The following CNTNAP4 variants were observed in gnomAD, a reference collection of about 807,000 sequenced individuals.
The protein encoded by CNTNAP4 is contactin-associated protein-like 4.
In CNTNAP4, 98 loss-of-function variants were observed where a neutral mutation model predicts 148.4. The observed-to-expected ratio is 0.66, with a 90% confidence interval of 0.56 to 0.78. The LOEUF (loss-of-function observed/expected upper bound fraction) is 0.78, where lower values mean the gene tolerates loss of function less well. Ranked by LOEUF, CNTNAP4 falls within the 30% of genes least tolerant of loss-of-function variation. The pLI is 0.00. For missense variants in CNTNAP4, 1,935 were observed against 1,565.6 expected (o/e 1.24, Z -3.98); for synonymous variants, 730 against 565.1 (o/e 1.29, Z -4.14).
chr16:76,366,915 A>G (rs2014207224), intron 3 of CNTNAP4, among the ~76,000 whole-genome samples: 1 of 152,190 alleles, frequency 6.6e-6, no homozygotes, highest in African/African-American at 2.4e-5. Context: ...TTATAAAGCT[A>G]TTCATTCTCC....
At chr16:76,401,160 C>G (rs1568012152) in intron 3 of CNTNAP4, among the ~76,000 whole-genome samples, 2 of 152,104 alleles carry the variant, frequency 1.3e-5, no homozygotes, top group South Asian at 4.1e-4. Context: ...GTGAGTCTTC[C>G]TATCTATGAG....
intron 17 of CNTNAP4, among the ~76,000 whole-genome samples, chr16:76,527,825 T>A (rs1442364121): frequency 1.3e-5 from 2 of 152,204 alleles, no homozygotes; most frequent in African/African-American, 4.8e-5. Context: ...GTGTTTCCTG[T>A]AACATCATGT....
At chr16:76,406,353 C>G (rs772761258) in intron 3 of CNTNAP4, among the ~76,000 whole-genome samples, 1 of 152,128 alleles carries the variant, frequency 6.6e-6, no homozygotes, top group Non-Finnish European at 1.5e-5. Context: ...TCCCGCATCT[C>G]TCTCTCTCTC....
intron 4 of CNTNAP4, among the ~76,000 whole-genome samples, chr16:76,447,140 C>G (rs1019153862): frequency 6.6e-6 from 1 of 151,792 alleles, no homozygotes. Context: ...AGGACTTCAT[C>G]TCCATAAAAA....
chr16:76,388,238 C>T (rs868116713), intron 3 of CNTNAP4, among the ~76,000 whole-genome samples: 4 of 152,198 alleles, frequency 2.6e-5, no homozygotes, highest in Non-Finnish European at 4.4e-5. Flanking sequence ...TTCATTTCAT[C>T]CATCCTCAGA....
At position 76,345,762 on chromosome 16, in the gene CNTNAP4, G is replaced by T. The variant is rs537112022; in HGVS notation, c.197-9556G>T. 4.9e-4 allele frequency among the ~76,000 whole-genome samples: 75 copies of T among 152,304 alleles called. 1 individual carries two copies. In the South Asian group the frequency reaches 0.015, roughly 30 times the overall value. ...TTGTAAAACTGGCAAGAGGCTGGATGAAGATTTACACCTCAAGGGGCAGAG... is the reference window on the plus strand; with the variant it reads ...TTGTAAAACTGGCAAGAGGCTGGATTAAGATTTACACCTCAAGGGGCAGAG... On this transcript the variant is annotated intron_variant, in intron 2 of 23. Coordinates refer to ENST00000611870, the MANE Select transcript of CNTNAP4 (RefSeq NM_033401.5).
intron 3 of CNTNAP4, among the ~76,000 whole-genome samples, chr16:76,422,862 A>C (rs1414798162): frequency 6.6e-6 from 1 of 152,200 alleles, no homozygotes; most frequent in Non-Finnish European, 1.5e-5. Flanking sequence ...CATAGAACGC[A>C]ATCACTAGTT....
intron 2 of CNTNAP4, among the ~76,000 whole-genome samples, chr16:76,349,725 G>A (rs1225216933): frequency 6.6e-6 from 1 of 152,064 alleles, no homozygotes; most frequent in East Asian, 1.9e-4. Context: ...GAATTTAGAT[G>A]TCCTAATGGT....
intron 14 of CNTNAP4, among the ~76,000 whole-genome samples, chr16:76,498,285 G>T (rs549899003): frequency 6.6e-6 from 1 of 152,260 alleles, no homozygotes; most frequent in South Asian, 2.1e-4. Context: ...TCAGCTACTT[G>T]GGAGGCTGAG....
intron 2 of CNTNAP4, among the ~76,000 whole-genome samples, chr16:76,330,669 T>C (rs1244573613): frequency 2.0e-5 from 3 of 152,242 alleles, no homozygotes; most frequent in South Asian, 2.1e-4. Flanking sequence ...AGCTAGCCCG[T>C]CTTTGCTTAA....
intron 2 of CNTNAP4, among the ~76,000 whole-genome samples, chr16:76,338,053 A>G (rs1964166981): frequency 6.6e-6 from 1 of 152,224 alleles, no homozygotes; most frequent in Non-Finnish European, 1.5e-5. Flanking sequence ...CTGAGGTGAC[A>G]TACATCCTAA....
At chr16:76,514,416 A>G (rs987682219) in intron 15 of CNTNAP4, among the ~76,000 whole-genome samples, 5 of 152,262 alleles carry the variant, frequency 3.3e-5, no homozygotes. Flanking sequence ...ATTAATATCA[A>G]AACAGTTTTG....
At position 76,548,298 on chromosome 16, in the gene CNTNAP4, T is replaced by A. The variant is rs999344007; in HGVS notation, c.3443-4985T>A. Among the ~76,000 whole-genome samples, 214 of 144,486 alleles carry A rather than the reference T, an allele frequency of 1.5e-3. 3 individuals carry two copies. The highest frequency in any genetic ancestry group is 3.9e-3 in the African/African-American group (151 of 39,050). 94.8% of individuals were successfully genotyped at this position (144,486 alleles called of 152,430 possible). On this transcript the variant is annotated intron_variant, in intron 21 of 23. Transcript: ENST00000611870. ...TGGCTCTCTTGATTCACTGCACCTTTTTTTTTTTTTTTTTTTTTTTTGGCA... is the reference window on the plus strand; with the variant it reads ...TGGCTCTCTTGATTCACTGCACCTTATTTTTTTTTTTTTTTTTTTTTGGCA...
intron 23 of CNTNAP4, among the ~76,000 whole-genome samples, chr16:76,554,287 G>A (rs1236069969): frequency 2.0e-5 from 3 of 152,082 alleles, no homozygotes; most frequent in Admixed American, 6.5e-5. Context: ...CTTCTGGAAA[G>A]GTTCATGCAA....
intron 12 of CNTNAP4, among the ~76,000 whole-genome samples, chr16:76,484,307 C>A (rs1199365802): frequency 7.8e-6 from 1 of 128,004 alleles, no homozygotes; most frequent in African/African-American, 2.9e-5. Context: ...ACTGGAGTCA[C>A]TGGAAGTATG....
In CNTNAP4 at chr16:76,560,258, A is replaced by T. The variant is rs987124664; in HGVS notation, c.*1575A>T. On this transcript the variant is annotated 3_prime_UTR_variant, in exon 24 of 24. Transcript: ENST00000611870. The stretch of plus-strand genomic sequence containing the variant: ...AATATGTAAATTTAGCATTACTATC[A>T]TCTTATTTTCTATATTTTCCTTGTT... Among the ~76,000 whole-genome samples the T allele has an allele frequency of 2.0e-5, 3 of 151,994 alleles. No homozygotes were observed. The highest frequency in any genetic ancestry group is 2.0e-4 in the Admixed American group (3 of 15,262).
chr16:76,462,987 C>G (rs1597623723), intron 9 of CNTNAP4, among the ~76,000 whole-genome samples: 1 of 152,278 alleles, frequency 6.6e-6, no homozygotes, highest in Non-Finnish European at 1.5e-5. Context: ...GGTGAGCACA[C>G]AGTCCATGAA....
intron 12 of CNTNAP4, among the ~76,000 whole-genome samples, chr16:76,488,687 C>T (rs1397855770): frequency 6.6e-6 from 1 of 152,182 alleles, no homozygotes; most frequent in Non-Finnish European, 1.5e-5. Context: ...GTTCTGACAA[C>T]TTTCACTCTG....
chr16:76,490,483 G>T (rs2082176159), intron 13 of CNTNAP4, among the ~76,000 whole-genome samples: 1 of 151,752 alleles, frequency 6.6e-6, no homozygotes, highest in African/African-American at 2.4e-5. Context: ...CATTATGTCA[G>T]AGCCTCTGTT....
Sources: gnomAD v4.1 joint callset for allele counts (sites outside exome capture counted in the v4.1 genomes callset) on GRCh38, gnomAD v4.1.1 for gene constraint, MANE v1.5 for transcripts, NCBI Gene and HGNC (gene_info 2026-07-23, HGNC 2026-07-21) for gene names.